The following TVP23C variants were observed in gnomAD, a reference collection of about 807,000 sequenced individuals.
TVP23C encodes the protein trans-golgi network vesicle protein 23 homolog C.
A neutral mutation model predicts 28.7 loss-of-function variants in TVP23C; 19 were observed. That is an observed-to-expected ratio of 0.66 (90% CI 0.46 to 0.97). The LOEUF is 0.97. Ranked by LOEUF, TVP23C falls within the 50% of genes least tolerant of loss-of-function variation. The pLI is 0.00. For synonymous variants in TVP23C, 68 were observed against 81.7 expected (o/e 0.83, Z 0.90); for missense variants, 186 against 241.3 (o/e 0.77, Z 1.52).
chr17:15,502,818 CT>C (rs1981528616), exon 6 of TVP23C: 1 of 1,516,310 alleles, frequency 6.6e-7, no homozygotes, highest in South Asian at 1.3e-5. Context: ...TCCTCTCTCT[CT>C]CTCTCTCTCT....
chr17:15,559,461 A>C (rs1167080142), intron 1 of TVP23C, among the ~76,000 whole-genome samples: 1 of 149,068 alleles, frequency 6.7e-6, no homozygotes, highest in Non-Finnish European at 1.5e-5. Context: ...CGACATTTTA[A>C]GATGCTAAAA....
downstream of TVP23C, among the ~76,000 whole-genome samples, chr17:15,533,655 A>T (rs1983036196): frequency 6.6e-6 from 1 of 152,136 alleles, no homozygotes; most frequent in South Asian, 2.1e-4. Flanking sequence ...ACTTTTACAC[A>T]AGAGAGATCA....
chr17:15,537,484 G>A lies in TVP23C; in HGVS notation c.*2928C>T, dbSNP rs1332577391. ...AATCTCTGGGTATTCCTTAAACTAT[G>A]ATGATTCCACTTATATTAACTGGGC... On this transcript the variant is annotated 3_prime_UTR_variant, in exon 6 of 6. Coordinates refer to ENST00000518321, the MANE Select transcript of TVP23C (RefSeq NM_001135036.2). 3.0e-6 allele frequency: 3 copies of A among 985,022 alleles called. No individual in the cohort carries two copies. The highest frequency in any genetic ancestry group is 3.6e-6 in the Non-Finnish European group (3 of 829,616). 61.0% of individuals were successfully genotyped at this position (985,022 alleles called of 1,614,324 possible).
At chr17:15,523,707 A>G (rs954213341) in intron 5 of TVP23C, among the ~76,000 whole-genome samples, 3 of 149,932 alleles carry the variant, frequency 2.0e-5, no homozygotes, top group Admixed American at 6.7e-5. Flanking sequence ...TCCGCCTCCC[A>G]GGTTCACGCC....
At chr17:15,507,374 T>C in intron 5 of TVP23C, 1 of 683,160 alleles carries the variant, frequency 1.5e-6, no homozygotes, top group Non-Finnish European at 2.7e-6. Flanking sequence ...ACGCTTTATC[T>C]TAACCACTGG....
At chr17:15,533,196 A>G (rs1160640102), downstream of TVP23C, among the ~76,000 whole-genome samples, 2 of 152,264 alleles carry the variant, frequency 1.3e-5, no homozygotes, top group African/African-American at 4.8e-5. Flanking sequence ...TCATGATTAA[A>G]GGTATCTTTA....
chr17:15,538,199 C>G lies in TVP23C; in HGVS notation c.*2213G>C. The G allele has an allele frequency of 6.2e-7, 1 of 1,613,592 alleles. No homozygotes were observed. Among genetic ancestry groups the G allele is most frequent in the East Asian group, 2.2e-5 (1 of 44,880 alleles). On this transcript the variant is annotated 3_prime_UTR_variant, in exon 6 of 6. Transcript: ENST00000518321. ...ACTCCTTAACATCAAAGTTATTTCA[C>G]TTCACACACCATGGACTTGGGGCCT...
Position 15,545,923 on chromosome 17 carries a change from A to G in TVP23C, c.331-7T>C, listed in dbSNP as rs1362630065. The G allele has an allele frequency of 1.4e-5, 22 of 1,599,100 alleles. No homozygotes were observed. Among genetic ancestry groups the G allele is most frequent in the Non-Finnish European group, 1.6e-5 (19 of 1,176,264 alleles). The stretch of plus-strand genomic sequence containing the variant: ...TATTCTCTTGAGAGGACTCCTATAA[A>G]AGAACATAAATTCAATTATCATGTT... On this transcript the variant is annotated splice_polypyrimidine_tract_variant and splice_region_variant and intron_variant, in intron 4 of 5. Coordinates refer to ENST00000518321, the MANE Select transcript of TVP23C (RefSeq NM_001135036.2).
At position 15,527,966 on chromosome 17, in the gene TVP23C, A is replaced by T. The variant is rs572705655; in HGVS notation, c.462+17819T>A. Among the ~76,000 whole-genome samples, 3 of 152,366 alleles carry T rather than the reference A, an allele frequency of 2.0e-5. No homozygotes were observed. In the South Asian group the frequency reaches 6.2e-4, roughly 32 times the overall value. Reference sequence around the variant, plus strand: ...CAATCGCTTTACAAAAGCATTCAGTAAGGATTGCTTTTTCAGTAAACATTA... The same window carrying T: ...CAATCGCTTTACAAAAGCATTCAGTTAGGATTGCTTTTTCAGTAAACATTA... On this transcript the variant is annotated intron_variant, in intron 5 of 5. Transcript: ENST00000225576.
At chr17:15,560,313 C>G (rs1170561402) in intron 1 of TVP23C, among the ~76,000 whole-genome samples, 1 of 149,016 alleles carries the variant, frequency 6.7e-6, no homozygotes, top group Non-Finnish European at 1.5e-5. Context: ...ATCCACCCAC[C>G]CTGGCCTCCC....
At chr17:15,509,132 C>A (rs369558629) in intron 5 of TVP23C, among the ~76,000 whole-genome samples, 3 of 152,228 alleles carry the variant, frequency 2.0e-5, no homozygotes, top group Non-Finnish European at 4.4e-5. Flanking sequence ...TGGCCCACAG[C>A]GCCTGTCTGT....
chr17:15,502,944 T>G (rs778176703), exon 6 of TVP23C: 40 of 1,613,812 alleles, frequency 2.5e-5, no homozygotes, highest in Non-Finnish European at 3.1e-5. Flanking sequence ...CCACCTCCCC[T>G]CCAGGCCCAA....
chr17:15,544,292 T>A (rs1168081697), intron 5 of TVP23C, among the ~76,000 whole-genome samples: 4 of 152,192 alleles, frequency 2.6e-5, no homozygotes, highest in Admixed American at 2.6e-4. Flanking sequence ...AACCAATAAG[T>A]AAAAGGAGAA....
At chr17:15,543,766 C>T (rs1470195736) in intron 5 of TVP23C, among the ~76,000 whole-genome samples, 1 of 151,632 alleles carries the variant, frequency 6.6e-6, no homozygotes, top group Admixed American at 6.6e-5. Context: ...AACTTGTCCC[C>T]CTGTGTCCCC....
chr17:15,502,750 GTC>G (rs970965747), exon 6 of TVP23C: 13 of 993,256 alleles, frequency 1.3e-5, no homozygotes, highest in Admixed American at 4.3e-5. Context: ...CCTCTCTCCC[GTC>G]TCTTTCTCTC....
rs201214594 is a variant in TVP23C at position 15,552,506 on chromosome 17, AC to A, written c.240+1178del. ...AGACCAGCCTGACCAACATGGAGAA[AC>A]CCCGTCTGTACTAAAAATACAAAAA... On this transcript the variant is annotated intron_variant, in intron 3 of 5. Coordinates refer to ENST00000518321, the MANE Select transcript of TVP23C (RefSeq NM_001135036.2). Among the ~76,000 whole-genome samples, 643 of 151,956 alleles carry A rather than the reference AC, an allele frequency of 4.2e-3. 5 individuals are homozygous for A. Among genetic ancestry groups the A allele is most frequent in the African/African-American group, 0.015 (608 of 41,406 alleles).
chr17:15,547,519 C>A (rs1184719749), intron 3 of TVP23C, among the ~76,000 whole-genome samples: 2 of 152,216 alleles, frequency 1.3e-5, no homozygotes, highest in Non-Finnish European at 2.9e-5. Context: ...AACTACATAT[C>A]CCTGAAAATG....
intron 3 of TVP23C, among the ~76,000 whole-genome samples, chr17:15,551,121 T>TA (rs199838450): frequency 0.13 from 19,000 of 149,288 alleles, 1,929 homozygotes; most frequent in African/African-American, 0.28. Context: ...TTGCCATTAT[T>TA]GTTTTTTTTT....
intron 3 of TVP23C, among the ~76,000 whole-genome samples, chr17:15,547,457 T>C (rs1187361088): frequency 6.6e-6 from 1 of 152,166 alleles, no homozygotes; most frequent in Non-Finnish European, 1.5e-5. Context: ...CCCCTTGCTA[T>C]TTGGTTACTG....
Sources: gnomAD v4.1 joint callset for allele counts (sites outside exome capture counted in the v4.1 genomes callset) on GRCh38, gnomAD v4.1.1 for gene constraint, MANE v1.5 for transcripts, NCBI Gene and HGNC (gene_info 2026-07-23, HGNC 2026-07-21) for gene names.